The following PRKAR1B variants were observed in gnomAD, a reference collection of about 807,000 sequenced individuals.
PRKAR1B encodes the protein protein kinase cAMP-dependent type I regulatory subunit beta, also known as cAMP-dependent protein kinase type I-beta regulatory subunit.
PRKAR1B carries 22 observed loss-of-function variants against 46.5 expected under a neutral mutation model. That is an observed-to-expected ratio of 0.47 (90% CI 0.34 to 0.68). The LOEUF is 0.68. Among genes scored for constraint, PRKAR1B ranks in the 30% least tolerant of loss-of-function variants. The pLI is 0.01. For missense variants in PRKAR1B, 445 were observed against 535.6 expected, an observed-to-expected ratio of 0.83 and a Z score of 1.67; for synonymous variants, 259 against 217.7, an observed-to-expected ratio of 1.19 and a Z score of -1.67.
chr7:725,479 C>T (rs1781228894), intron 1 of PRKAR1B, among the ~76,000 whole-genome samples: 2 of 152,210 alleles, frequency 1.3e-5, no homozygotes, highest in Admixed American at 1.3e-4. Flanking sequence ...TCTGTCTCCA[C>T]TCAAGTCCAC....
upstream of PRKAR1B, among the ~76,000 whole-genome samples, chr7:727,881 C>A (rs1042564544): frequency 4.0e-5 from 6 of 151,402 alleles, no homozygotes; most frequent in Non-Finnish European, 5.9e-5. Context: ...TGGAAACCAC[C>A]GCAGAAATTC....
At chr7:564,357 C>T (rs1218913109) in intron 9 of PRKAR1B, among the ~76,000 whole-genome samples, 3 of 152,168 alleles carry the variant, frequency 2.0e-5, no homozygotes, top group Non-Finnish European at 2.9e-5. Context: ...CAACCTCCGC[C>T]GCCAGCCTCA....
chr7:624,794 T>A (rs1783296890), intron 4 of PRKAR1B, among the ~76,000 whole-genome samples: 2 of 152,196 alleles, frequency 1.3e-5, no homozygotes. Flanking sequence ...CCTCAGCTAG[T>A]TATTGACAGA....
At chr7:577,057 T>C (rs1244143675) in intron 9 of PRKAR1B, among the ~76,000 whole-genome samples, 2 of 123,602 alleles carry the variant, frequency 1.6e-5, no homozygotes, top group African/African-American at 3.1e-5. Context: ...ACTCCATCAG[T>C]CACCTCACCC....
At chr7:592,551 G>A (rs566387783) in intron 7 of PRKAR1B, among the ~76,000 whole-genome samples, 1 of 152,228 alleles carries the variant, frequency 6.6e-6, no homozygotes, top group African/African-American at 2.4e-5. Flanking sequence ...TCCGGATACT[G>A]GTCAGCGGGG....
chr7:559,086 G>T (rs1222014316), intron 9 of PRKAR1B, among the ~76,000 whole-genome samples: 1 of 152,220 alleles, frequency 6.6e-6, no homozygotes, highest in Non-Finnish European at 1.5e-5. Flanking sequence ...CTCGCCTTCA[G>T]TCACTCGTCT....
At chr7:557,952 C>T (rs372073986) in intron 9 of PRKAR1B, among the ~76,000 whole-genome samples, 5 of 151,828 alleles carry the variant, frequency 3.3e-5, no homozygotes, top group East Asian at 1.9e-4. Context: ...CTGCCCTGGC[C>T]GTTGTCCGCA....
intron 4 of PRKAR1B, among the ~76,000 whole-genome samples, chr7:635,578 G>A (rs1319330005): frequency 6.6e-6 from 1 of 152,196 alleles, no homozygotes; most frequent in Admixed American, 6.5e-5. Context: ...CTGGAACCCA[G>A]GCCTGGAGCC....
intron 8 of PRKAR1B, among the ~76,000 whole-genome samples, chr7:580,218 A>G (rs2128443154): frequency 6.8e-6 from 1 of 147,970 alleles, no homozygotes; most frequent in Non-Finnish European, 1.5e-5. Context: ...GAGACAGAGC[A>G]ACACCCTGTC....
chr7:625,619 C>T (rs1783345082), intron 4 of PRKAR1B, among the ~76,000 whole-genome samples: 1 of 152,108 alleles, frequency 6.6e-6, no homozygotes, highest in African/African-American at 2.4e-5. Context: ...GGCATCACTA[C>T]AGGTCCCATG....
intron 1 of PRKAR1B, among the ~76,000 whole-genome samples, chr7:715,695 G>T (rs891669588): frequency 1.3e-5 from 2 of 151,978 alleles, no homozygotes; most frequent in African/African-American, 4.8e-5. Context: ...ACGCTTTGCA[G>T]AACTCCAACC....
rs144212701 is a variant in PRKAR1B at position 695,876 on chromosome 7, T to G, written c.178-15150A>C. 2.0e-3 allele frequency among the ~76,000 whole-genome samples: 305 copies of G among 151,916 alleles called. 5 individuals carry two copies. In the East Asian group the frequency reaches 0.025, roughly 13 times the overall value. On this transcript the variant is annotated intron_variant, in intron 2 of 10. Coordinates refer to ENST00000537384, the MANE Select transcript of PRKAR1B (RefSeq NM_001164760.2). ...AGATGGGGTTTCAGCGTGTTAGCCATGATGGTCTCGATCTCCTGACCTCGT... is the reference window on the plus strand; with the variant it reads ...AGATGGGGTTTCAGCGTGTTAGCCAGGATGGTCTCGATCTCCTGACCTCGT...
At chr7:565,954 A>G (rs1037643850) in intron 9 of PRKAR1B, among the ~76,000 whole-genome samples, 24 of 152,212 alleles carry the variant, frequency 1.6e-4, no homozygotes, top group African/African-American at 5.8e-4. Context: ...CCTCTGCAAA[A>G]GGCTGGGGGT....
intron 9 of PRKAR1B, among the ~76,000 whole-genome samples, chr7:567,730 T>C (rs1779266257): frequency 6.6e-6 from 1 of 152,188 alleles, no homozygotes; most frequent in Non-Finnish European, 1.5e-5. Flanking sequence ...AGCTACAACA[T>C]GGATGGCCCT....
chr7:598,970 C>T (rs907693485), intron 6 of PRKAR1B, among the ~76,000 whole-genome samples: 1 of 152,250 alleles, frequency 6.6e-6, no homozygotes, highest in African/African-American at 2.4e-5. Context: ...GACGGCCGCA[C>T]CTCCCAGCTT....
Position 560,925 on chromosome 7 carries a change from G to A in PRKAR1B, c.892-9455C>T, listed in dbSNP as rs1778745734. 6.6e-6 allele frequency among the ~76,000 whole-genome samples: 1 copy of A among 152,192 alleles called. No homozygotes were observed. The highest frequency in any genetic ancestry group is 1.5e-5 in the Non-Finnish European group (1 of 68,038). On this transcript the variant is annotated intron_variant, in intron 9 of 10. Transcript: ENST00000537384. The surrounding 1 kb of genome is among the most constrained non-coding windows in gnomAD (Gnocchi z 4.2). ...GACTCCTCAGAGCCTGGAAAATTCA[G>A]GCTCACTCCAGTGCCTTTACGTTTC...
At chr7:624,857 A>T (rs1783301068) in intron 4 of PRKAR1B, among the ~76,000 whole-genome samples, 1 of 152,206 alleles carries the variant, frequency 6.6e-6, no homozygotes, top group South Asian at 2.1e-4. Context: ...CACAGGAAAT[A>T]AAAAAAGAGA....
rs1177638675 is a variant in PRKAR1B, at chr7:644,328, C to G, written c.440+32901G>C. Among the ~76,000 whole-genome samples the G allele has an allele frequency of 6.6e-6, 1 of 152,184 alleles. No homozygotes were observed. The highest frequency in any genetic ancestry group is 1.9e-4 in the East Asian group (1 of 5,186). On this transcript the variant is annotated intron_variant, in intron 4 of 10. Coordinates refer to ENST00000537384, the MANE Select transcript of PRKAR1B (RefSeq NM_001164760.2). This position sits in a 1 kb window ranked among gnomAD's most constrained non-coding sequence, Gnocchi z 4.9. The stretch of plus-strand genomic sequence containing the variant: ...CTCCCGGCTCCTGCTCCACCCCACA[C>G]TGTGAGGAGCTGGAGGTACACAATG...
chr7:704,248 G>A (rs1454814071), intron 2 of PRKAR1B, among the ~76,000 whole-genome samples: 1 of 152,132 alleles, frequency 6.6e-6, no homozygotes, highest in East Asian at 1.9e-4. Flanking sequence ...AGACAAAATC[G>A]ATGAAATTAA....
Sources: gnomAD v4.1 joint callset for allele counts (sites outside exome capture counted in the v4.1 genomes callset) on GRCh38, gnomAD v4.1.1 for gene constraint, Gnocchi (gnomAD v3.1) non-coding constraint, MANE v1.5 for transcripts, NCBI Gene and HGNC (gene_info 2026-07-23, HGNC 2026-07-21) for gene names.